The following MAN2B2 variants were observed in gnomAD, a reference collection of about 807,000 sequenced individuals.
MAN2B2 encodes the protein epididymis-specific alpha-mannosidase.
MAN2B2 carries 106 observed loss-of-function variants against 117.1 expected under a neutral mutation model. That is an observed-to-expected ratio of 0.90 (90% confidence interval 0.77 to 1.06). The LOEUF is 1.06. Ranked by LOEUF, MAN2B2 falls within the 50% of genes least tolerant of loss-of-function variation. The probability of loss-of-function intolerance (pLI) is 0.00; values close to 1 mark genes in which losing one functional copy is unlikely to be tolerated. For synonymous variants in MAN2B2, 544 were observed against 595.1 expected, an observed-to-expected ratio of 0.91 and a Z score of 1.25; for missense variants, 1,326 against 1,381.4, an observed-to-expected ratio of 0.96 and a Z score of 0.64.
chr4:6,609,150 TACC>T lies in MAN2B2; in HGVS notation c.1861_1863del (p.His621del). ...GCGCGTGACCCAGGAATTCCTGGAG[TACC>T]ACGTCAACGGGGATGTGAAACAGGG... is the stretch of plus-strand genomic sequence containing the variant. On this transcript the variant is annotated inframe_deletion, in exon 12 of 19. Coordinates refer to ENST00000285599, the MANE Select transcript of MAN2B2 (RefSeq NM_015274.3). 1 of 1,614,064 alleles carries T rather than the reference TACC, an allele frequency of 6.2e-7. No individual in the cohort carries two copies. The highest frequency in any genetic ancestry group is 1.6e-4 in the Middle Eastern group (1 of 6,062).
intron 15 of MAN2B2, 69 bp from the exon 16 acceptor site, chr4:6,614,149 G>A: frequency 6.4e-7 from 1 of 1,572,586 alleles, no homozygotes; most frequent in Non-Finnish European, 8.7e-7. Context: ...GTAATGTGCA[G>A]AGCTCTGAGT....
chr4:6,593,432 C>G, intron 6 of MAN2B2, 82 bp downstream of exon 6: 1 of 1,384,266 alleles, frequency 7.2e-7, no homozygotes, highest in Admixed American at 2.6e-5. Context: ...CCCAGGGCCA[C>G]CCTATCCAGA....
At position 6,609,103 on chromosome 4, in the gene MAN2B2, G is replaced by A. The variant is rs1553913791; in HGVS notation, c.1815-4G>A. 1.9e-6 allele frequency: 3 copies of A among 1,611,942 alleles called. No individual in the cohort carries two copies. Among genetic ancestry groups the A allele is most frequent in the Non-Finnish European group, 2.5e-6 (3 of 1,178,772 alleles). On this transcript the variant is annotated splice_polypyrimidine_tract_variant and splice_region_variant and intron_variant, in intron 11 of 18. Transcript: ENST00000285599. ...ATGACATCTTCTCTCTCCTGCCTCT[G>A]CAGACAGAGTAACCGAACGGTGCGC...
chr4:6,588,285 A>G (rs1726720153), intron 4 of MAN2B2, among the ~76,000 whole-genome samples: 1 of 152,238 alleles, frequency 6.6e-6, no homozygotes, highest in East Asian at 1.9e-4. Context: ...TGGCTTGTGG[A>G]TGCCCCGCTT....
chr4:6,582,160 C>T (rs1726453792), intron 3 of MAN2B2, among the ~76,000 whole-genome samples: 1 of 152,096 alleles, frequency 6.6e-6, no homozygotes, highest in African/African-American at 2.4e-5. Flanking sequence ...ACACCTTGGG[C>T]CATCCTGGAT....
Position 6,614,241 on chromosome 4 carries a change from C to T in MAN2B2, c.2587C>T (p.Pro863Ser). 1.2e-6 allele frequency: 2 copies of T among 1,614,146 alleles called. No homozygotes were observed. The highest frequency in any genetic ancestry group is 1.7e-6 in the Non-Finnish European group (2 of 1,180,002). ...AGGGACTGCGCCGAAGCTCCCAGGA[C>T]CCCAGCAGCAAGAGGCCGTGACGCT... ...LAGTAPKLPG[P>S]QQQEAVTLPP... Residue 863 changes from proline to serine, a missense_variant, in exon 16 of 19, where the codon CCC becomes TCC. By Grantham distance (74) the Pro-to-Ser change is moderately conservative. Transcript: ENST00000285599.
At chr4:6,584,367 C>G (rs1032861098) in intron 3 of MAN2B2, among the ~76,000 whole-genome samples, 1 of 152,190 alleles carries the variant, frequency 6.6e-6, no homozygotes, top group African/African-American at 2.4e-5. Flanking sequence ...TTACCAGACA[C>G]CACATTCAAG....
At chr4:6,595,643 A>G (rs1406568756) in intron 7 of MAN2B2, among the ~76,000 whole-genome samples, 1 of 152,250 alleles carries the variant, frequency 6.6e-6, no homozygotes, top group African/African-American at 2.4e-5. Context: ...ACGAGGGCAG[A>G]GCCTTCATGG....
At chr4:6,618,534 A>C (rs1433106219) in intron 17 of MAN2B2, 1 of 152,162 alleles carries the variant, frequency 6.6e-6, no homozygotes, top group Non-Finnish European at 1.5e-5. Context: ...CCTGGCACTA[A>C]GGGGCCTCGT....
chr4:6,617,769 C>T (rs866482162), intron 17 of MAN2B2: 13 of 379,694 alleles, frequency 3.4e-5, no homozygotes, highest in Middle Eastern at 7.9e-4. Context: ...CAACCTCTGC[C>T]TCCCTGGCTC....
Position 6,579,490 on chromosome 4 carries a change from C to T in MAN2B2, c.391+992C>T, listed in dbSNP as rs369662935. Among the ~76,000 whole-genome samples, 1,134 of 150,546 alleles carry T rather than the reference C, an allele frequency of 7.5e-3. 10 individuals carry two copies. Among genetic ancestry groups the T allele is most frequent in the African/African-American group, 0.026 (1,073 of 40,972 alleles). On this transcript the variant is annotated intron_variant, in intron 3 of 18. Transcript: ENST00000285599. ...ACCACAATGACCATCACTACCACTA[C>T]CATCACCACCACCATCATAACTACC...
At chr4:6,613,858 G>C (rs147180369) in intron 15 of MAN2B2, among the ~76,000 whole-genome samples, 39 of 151,876 alleles carry the variant, frequency 2.6e-4, no homozygotes, top group Non-Finnish European at 4.9e-4. Context: ...AAGAAGGAAG[G>C]AAAAAAACGA....
intron 3 of MAN2B2, among the ~76,000 whole-genome samples, chr4:6,579,322 C>CCAT (rs1726306648): frequency 1.7e-5 from 1 of 57,556 alleles, no homozygotes; most frequent in Admixed American, 1.8e-4. Flanking sequence ...ACCACCATCA[C>CCAT]CACCACCACC....
chr4:6,580,533 C>CCG (rs1419417997), intron 3 of MAN2B2, among the ~76,000 whole-genome samples: 2 of 152,202 alleles, frequency 1.3e-5, no homozygotes, highest in Non-Finnish European at 2.9e-5. Flanking sequence ...GGCTCTGGGG[C>CCG]TGTTTCTCAC....
chr4:6,616,555 G>A (rs572327717), intron 16 of MAN2B2, among the ~76,000 whole-genome samples: 13 of 152,160 alleles, frequency 8.5e-5, no homozygotes, highest in Admixed American at 3.9e-4. Flanking sequence ...ATTGCAGCAC[G>A]TGCTTCCTCA....
intron 11 of MAN2B2, 56 bp downstream of exon 11, chr4:6,605,385 G>A (rs1727504520): frequency 2.6e-6 from 4 of 1,546,682 alleles, no homozygotes; most frequent in African/African-American, 2.7e-5. Context: ...GCCTGGGCAT[G>A]TCAGGCCCCT....
At chr4:6,579,159 T>TCACCAC (rs1246929628) in intron 3 of MAN2B2, among the ~76,000 whole-genome samples, 1 of 18,060 alleles carries the variant, frequency 5.5e-5, no homozygotes, top group Non-Finnish European at 1.3e-4. Flanking sequence ...ACCATCACCA[T>TCACCAC]CACCACCACC....
chr4:6,620,066 C>T (rs527647259), intron 18 of MAN2B2, 22 bp downstream of exon 18: 1 of 1,585,160 alleles, frequency 6.3e-7, no homozygotes, highest in South Asian at 1.1e-5. Context: ...CCCGCTTCAG[C>T]TCCCTACCCA....
In MAN2B2 at chr4:6,621,423, G is replaced by T; in HGVS notation, c.*138G>T. ...CATCTGCAGGCTAATGGCAGGAAAT[G>T]GTCATATTTGGGGTTTTTCCCTAAT... On this transcript the variant is annotated 3_prime_UTR_variant, in exon 19 of 19. Transcript: ENST00000285599. 1 of 646,870 alleles carries T rather than the reference G, an allele frequency of 1.5e-6. No homozygotes were observed. The allele number at this position is 646,870 out of a possible 1,614,324, so 40.1% of individuals were successfully genotyped here.
Sources: gnomAD v4.1 joint callset for allele counts (sites outside exome capture counted in the v4.1 genomes callset) on GRCh38, gnomAD v4.1.1 for gene constraint, MANE v1.5 for transcripts, NCBI Gene and HGNC (gene_info 2026-07-23, HGNC 2026-07-21) for gene names.